Variants in THSD7A observed in about 807,000 individuals in gnomAD.
THSD7A encodes the protein thrombospondin type-1 domain-containing protein 7A.
A neutral mutation model predicts 231.3 loss-of-function variants in THSD7A; 96 were observed. The ratio of observed to expected loss-of-function variants is 0.41; its 90% confidence interval spans 0.35 to 0.49. The LOEUF (loss-of-function observed/expected upper bound fraction) is 0.49, where lower values mean the gene tolerates loss of function less well. THSD7A is among the 20% of genes least tolerant of loss of function. The pLI is 0.05. For missense variants in THSD7A, 2,290 were observed against 2,070.2 expected, an observed-to-expected ratio of 1.11 and a Z score of -2.06; for synonymous variants, 940 against 743.3, an observed-to-expected ratio of 1.26 and a Z score of -4.30.
chr7:11,424,963 A>G, intron 15 of THSD7A, 134 bp from the exon 16 acceptor site: 1 of 1,091,532 alleles, frequency 9.2e-7, no homozygotes. Flanking sequence ...TTATTCTAAC[A>G]TTGCAATAGA....
intron 1 of THSD7A, among the ~76,000 whole-genome samples, chr7:11,648,389 G>C (rs551362618): frequency 1.3e-5 from 2 of 152,102 alleles, no homozygotes; most frequent in East Asian, 3.9e-4. Context: ...CTCTGTAAAA[G>C]AAGTAGGTGC....
intron 6 of THSD7A, among the ~76,000 whole-genome samples, chr7:11,524,826 G>A (rs139942914): frequency 2.6e-4 from 39 of 152,274 alleles, no homozygotes; most frequent in African/African-American, 8.9e-4. Context: ...TATGGTTAAT[G>A]TATACTCCAA....
intron 22 of THSD7A, among the ~76,000 whole-genome samples, chr7:11,403,479 G>A (rs1783477753): frequency 2.0e-5 from 3 of 152,088 alleles, no homozygotes; most frequent in African/African-American, 4.8e-5. Context: ...TTTTAGAAAC[G>A]CTTTTATTTC....
chr7:11,644,567 G>A (rs1194681840), intron 1 of THSD7A, among the ~76,000 whole-genome samples: 3 of 151,846 alleles, frequency 2.0e-5, no homozygotes, highest in Non-Finnish European at 2.9e-5. Flanking sequence ...TAGATGTCAA[G>A]CTGAGCTTTC....
intron 3 of THSD7A, among the ~76,000 whole-genome samples, chr7:11,592,925 T>C (rs1320352269): frequency 6.6e-6 from 1 of 152,122 alleles, no homozygotes; most frequent in East Asian, 1.9e-4. Context: ...ATATTACCTC[T>C]AGCTCCAACA....
At chr7:11,391,601 TGG>T in intron 23 of THSD7A, among the ~76,000 whole-genome samples, 1 of 129,580 alleles carries the variant, frequency 7.7e-6, no homozygotes, top group African/African-American at 4.7e-5. Context: ...GGGCAGTGAA[TGG>T]TTCTGTCCTG....
intron 1 of THSD7A, among the ~76,000 whole-genome samples, chr7:11,776,494 G>C (rs373901157): frequency 6.6e-6 from 1 of 152,174 alleles, no homozygotes; most frequent in African/African-American, 2.4e-5. Flanking sequence ...TGCTAATAGA[G>C]AGGGTGGTCC....
chr7:11,774,970 T>C (rs1441096297), intron 1 of THSD7A, among the ~76,000 whole-genome samples: 1 of 151,966 alleles, frequency 6.6e-6, no homozygotes, highest in Non-Finnish European at 1.5e-5. Flanking sequence ...CACGATAATC[T>C]CTTGAACCCA....
intron 4 of THSD7A, among the ~76,000 whole-genome samples, chr7:11,549,375 C>T (rs1281228421): frequency 6.6e-6 from 1 of 151,752 alleles, no homozygotes; most frequent in African/African-American, 2.4e-5. Flanking sequence ...TGTGGTGATT[C>T]CTCAGAGATT....
intron 1 of THSD7A, among the ~76,000 whole-genome samples, chr7:11,732,406 G>A (rs927793847): frequency 2.0e-5 from 3 of 151,858 alleles, no homozygotes; most frequent in Non-Finnish European, 4.4e-5. Context: ...AGTGCAAAGT[G>A]AGTGAAATCA....
chr7:11,372,632 C>A lies in THSD7A; in HGVS notation c.*3162G>T, dbSNP rs1217324746. 6.6e-6 allele frequency: 1 copy of A among 152,008 alleles called. No individual in the cohort carries two copies. Among genetic ancestry groups the A allele is most frequent in the Non-Finnish European group, 1.5e-5 (1 of 67,966 alleles). The allele number at this position is 152,008 out of a possible 1,614,324, so 9.4% of individuals were successfully genotyped here. ...AATAGTCCAGCAAAATCATATAATA[C>A]TGTGTCAAACTTTTTCTGCTCTTCT... is the stretch of plus-strand genomic sequence containing the variant. On this transcript the variant is annotated 3_prime_UTR_variant, in exon 28 of 28. Coordinates refer to ENST00000423059, the MANE Select transcript of THSD7A (RefSeq NM_015204.3).
At chr7:11,795,769 C>A (rs1304477514) in intron 1 of THSD7A, among the ~76,000 whole-genome samples, 2 of 151,406 alleles carry the variant, frequency 1.3e-5, no homozygotes, top group African/African-American at 4.8e-5. Flanking sequence ...CAATGAGCTG[C>A]TGGAGGAAGA....
At chr7:11,692,986 T>C (rs1780280623) in intron 1 of THSD7A, among the ~76,000 whole-genome samples, 1 of 151,500 alleles carries the variant, frequency 6.6e-6, no homozygotes, top group Admixed American at 6.6e-5. Flanking sequence ...TCTCATGCTA[T>C]AAGGTTTTTT....
At chr7:11,568,476 T>C (rs1790461801) in intron 4 of THSD7A, among the ~76,000 whole-genome samples, 1 of 151,220 alleles carries the variant, frequency 6.6e-6, no homozygotes, top group East Asian at 1.9e-4. Flanking sequence ...ATACAAAAAA[T>C]TGGCCAGGTG....
At chr7:11,447,457 T>C (rs752469861) in intron 11 of THSD7A, 33 bp from the exon 12 acceptor site, 1 of 1,465,156 alleles carries the variant, frequency 6.8e-7, no homozygotes, top group African/African-American at 1.4e-5. Context: ...TTATAACAAA[T>C]TCAAACGTCT....
At chr7:11,608,092 A>C (rs1780796282) in intron 2 of THSD7A, among the ~76,000 whole-genome samples, 1 of 152,164 alleles carries the variant, frequency 6.6e-6, no homozygotes, top group Admixed American at 6.6e-5. Flanking sequence ...GCAGTGAACC[A>C]TGGTGAAAAT....
chr7:11,797,398 C>T (rs911323495), intron 1 of THSD7A, among the ~76,000 whole-genome samples: 1 of 137,364 alleles, frequency 7.3e-6, no homozygotes, highest in Non-Finnish European at 1.6e-5. Flanking sequence ...TCTTTGCTTT[C>T]TTTCTGCCTC....
intron 6 of THSD7A, among the ~76,000 whole-genome samples, chr7:11,501,525 T>C (rs1332199023): frequency 6.6e-6 from 1 of 152,172 alleles, no homozygotes; most frequent in East Asian, 1.9e-4. Flanking sequence ...TGCTCCTGAA[T>C]GGCTTTTGGG....
chr7:11,561,728 G>A (rs562662813), intron 4 of THSD7A, among the ~76,000 whole-genome samples: 3 of 152,206 alleles, frequency 2.0e-5, no homozygotes, highest in Non-Finnish European at 2.9e-5. Context: ...AAATTAGCCG[G>A]GCATGGTGGC....
Sources: allele counts gnomAD v4.1 joint callset (sites outside exome capture counted in the v4.1 genomes callset), GRCh38; gene constraint gnomAD v4.1.1; transcripts MANE v1.5; gene names NCBI Gene and HGNC (gene_info 2026-07-23, HGNC 2026-07-21).